KLKB1: variants seen among roughly 807,000 people sequenced by gnomAD.
The protein encoded by KLKB1 is kallikrein B1, also known as plasma kallikrein.
Under a neutral mutation model 73.6 loss-of-function variants are expected in KLKB1, and 58 were observed. The observed-to-expected ratio is 0.79, with a 90% CI of 0.64 to 0.98. KLKB1 has a LOEUF of 0.98. Among genes scored for constraint, KLKB1 ranks in the 50% least tolerant of loss-of-function variants. The pLI, the probability that KLKB1 is intolerant of heterozygous loss-of-function variation, is 0.00. For synonymous variants in KLKB1, 280 were observed against 258.1 expected, an observed-to-expected ratio of 1.08 and a Z score of -0.81; for missense variants, 737 against 763.8, an observed-to-expected ratio of 0.96 and a Z score of 0.41.
Position 186,251,605 on chromosome 4 carries a change from G to GT in KLKB1, c.992dup (p.Thr332HisfsTer10), listed in dbSNP as rs1273099694. On this transcript the variant is annotated frameshift_variant, in exon 9 of 15. Coordinates refer to ENST00000264690, the MANE Select transcript of KLKB1 (RefSeq NM_000892.5). LOFTEE classifies it high-confidence loss of function. ...CTTGCACAAAGATGATTCGCTGTCA[G>GT]TTTTTCACTTATTCTTTACTCCCAG... 6.2e-7 allele frequency: 1 copy of GT among 1,614,142 alleles called. No homozygotes were observed. The highest frequency in any genetic ancestry group is 1.7e-5 in the Admixed American group (1 of 60,026).
chr4:186,228,127 C>T (rs1433555398), intron 1 of KLKB1, 68 bp from the exon 2 acceptor site: 1 of 904,842 alleles, frequency 1.1e-6, no homozygotes, highest in Admixed American at 1.9e-5. Flanking sequence ...ATCTAAATCA[C>T]CTTAAATTAA....
chr4:186,226,182 TTACTGTC>T (rs1349153945), upstream of KLKB1, among the ~76,000 whole-genome samples: 1 of 152,188 alleles, frequency 6.6e-6, no homozygotes, highest in East Asian at 1.9e-4. Context: ...CTGATTTTGT[TTACTGTC>T]TATCTATATT....
At chr4:186,239,162 T>C (rs1324116576) in intron 6 of KLKB1, among the ~76,000 whole-genome samples, 1 of 134,184 alleles carries the variant, frequency 7.5e-6, no homozygotes, top group Non-Finnish European at 1.6e-5. Context: ...GTTAGAGTTA[T>C]AGGTACAGTG....
intron 5 of KLKB1, 101 bp from the exon 6 acceptor site, chr4:186,238,155 C>T: frequency 1.3e-6 from 1 of 786,714 alleles, no homozygotes; most frequent in East Asian, 2.6e-5. Context: ...TTATCAGGGT[C>T]ATTGTTTTTC....
intron 6 of KLKB1, among the ~76,000 whole-genome samples, chr4:186,241,416 A>G (rs1738044230): frequency 6.6e-6 from 1 of 151,764 alleles, no homozygotes; most frequent in Non-Finnish European, 1.5e-5. Context: ...TGCTCACTCC[A>G]CCTTTTGTTT....
chr4:186,228,304 C>T (rs1737241643), intron 2 of KLKB1, 51 bp downstream of exon 2: 1 of 1,181,950 alleles, frequency 8.5e-7, no homozygotes. Context: ...CAGGAGTAGC[C>T]AAGCAAGTGG....
At chr4:186,255,554 G>A (rs1580044222) in intron 12 of KLKB1, among the ~76,000 whole-genome samples, 1 of 152,102 alleles carries the variant, frequency 6.6e-6, no homozygotes, top group Non-Finnish European at 1.5e-5. Context: ...ATGTGACCTC[G>A]GGCAAGTTGC....
In KLKB1 at chr4:186,251,870, C is replaced by A. The variant is rs780873341; in HGVS notation, c.1144+9C>A. 10 of 1,607,412 alleles carry A rather than the reference C, an allele frequency of 6.2e-6. No homozygotes were observed. The East Asian group carries it at 2.2e-4, about 36-fold the overall frequency. ...CACTGGGGACAACTCTGGTGAGTAACCTCACTTTTTCGTGGACCTGTCAGG... is the reference window on the plus strand; with the variant it reads ...CACTGGGGACAACTCTGGTGAGTAAACTCACTTTTTCGTGGACCTGTCAGG... On this transcript the variant is annotated intron_variant, in intron 10 of 14. Transcript: ENST00000264690.
chr4:186,223,501 C>A (rs1466482172), upstream of KLKB1, among the ~76,000 whole-genome samples: 1 of 152,210 alleles, frequency 6.6e-6, no homozygotes, highest in Non-Finnish European at 1.5e-5. Context: ...AAAGGCCATT[C>A]TTGCTATGCT....
rs768849619 is a variant in KLKB1 at position 186,254,658 on chromosome 4, C to G, written c.1384C>G (p.Pro462Ala). The G allele has an allele frequency of 6.2e-7, 1 of 1,613,090 alleles. No individual in the cohort carries two copies. The highest frequency in any genetic ancestry group is 1.3e-5 in the African/African-American group (1 of 74,894). ...LNLSDITKDT[P>A]FSQIKEIIIH... ...TCTGTCAGACATTACAAAAGATACA[C>G]CTTTCTCACAAATAAAAGAGATTAT... Residue 462 changes from proline (P) to alanine (A), a missense_variant, in exon 12 of 15, where the codon CCT (proline) becomes GCT (alanine). Physicochemically the swap from Pro to Ala is conservative, Grantham distance 27 (BLOSUM62 -1). Transcript: ENST00000264690.
chr4:186,241,182 G>GT (rs1399409242), intron 6 of KLKB1, among the ~76,000 whole-genome samples: 4 of 152,152 alleles, frequency 2.6e-5, no homozygotes, highest in Non-Finnish European at 5.9e-5. Flanking sequence ...TAAACCTAGA[G>GT]TAGGGCTGTC....
intron 6 of KLKB1, among the ~76,000 whole-genome samples, chr4:186,244,595 T>C (rs1345283875): frequency 1.3e-5 from 2 of 152,048 alleles, no homozygotes; most frequent in Non-Finnish European, 2.9e-5. Flanking sequence ...GAAAGCATGT[T>C]TGAGATCCAG....
upstream of KLKB1, among the ~76,000 whole-genome samples, chr4:186,222,919 A>G (rs371309087): frequency 6.6e-6 from 1 of 152,168 alleles, no homozygotes; most frequent in African/African-American, 2.4e-5. Context: ...TCGAATTGCA[A>G]TCCCCAGGTG....
At chr4:186,240,119 G>C (rs2126645873) in intron 6 of KLKB1, among the ~76,000 whole-genome samples, 1 of 121,154 alleles carries the variant, frequency 8.3e-6, no homozygotes, top group East Asian at 2.2e-4. Context: ...AGTGATATAG[G>C]ACAGTGATAC....
chr4:186,216,440 T>C (rs1019545443), intron 2 of KLKB1, among the ~76,000 whole-genome samples: 16 of 151,944 alleles, frequency 1.1e-4, no homozygotes, highest in African/African-American at 3.9e-4. Context: ...AGACAAAGAA[T>C]GGTGAAGAGA....
intron 6 of KLKB1, among the ~76,000 whole-genome samples, chr4:186,248,301 C>T (rs977816017): frequency 2.6e-5 from 4 of 151,866 alleles, no homozygotes; most frequent in Non-Finnish European, 4.4e-5. Flanking sequence ...TGTCTTTCTC[C>T]TTTCCCATTG....
At chr4:186,245,203 A>T (rs760544583) in intron 6 of KLKB1, among the ~76,000 whole-genome samples, 9 of 152,218 alleles carry the variant, frequency 5.9e-5, no homozygotes, top group Non-Finnish European at 1.2e-4. Flanking sequence ...GTCAATACCT[A>T]CAACAGTTAT....
At chr4:186,251,914 A>G (rs779906698) in intron 10 of KLKB1, 53 bp downstream of exon 10, 45 of 1,599,564 alleles carry the variant, frequency 2.8e-5, no homozygotes, top group Non-Finnish European at 3.6e-5. Context: ...TCATGTTGAT[A>G]GTTTGCTTAG....
At position 186,232,243 on chromosome 4, in the gene KLKB1, C is replaced by T. The variant is rs762131874; in HGVS notation, c.175C>T (p.Leu59=). 40 of 1,614,020 alleles carry T rather than the reference C, an allele frequency of 2.5e-5. No homozygotes were observed. In the Admixed American group the frequency reaches 6.7e-4, roughly 27 times the overall value. The change falls in exon 3 of 15, where the codon CTA becomes TTA. Residue 59 remains leucine, a synonymous_variant. Transcript: ENST00000264690. ...GTGCACATTCCACCCAAGGTGTTTG[C>T]TATTCAGTTTTCTTCCAGCAAGTTC... ...MRCTFHPRCL[L]FSFLPASSIN... is the part of the protein sequence containing the mutation.
Sources: allele counts gnomAD v4.1 joint callset (sites outside exome capture counted in the v4.1 genomes callset), GRCh38; gene constraint gnomAD v4.1.1; transcripts MANE v1.5; gene names NCBI Gene and HGNC (gene_info 2026-07-23, HGNC 2026-07-21).